Variants in MAST4 observed in about 807,000 individuals in gnomAD.
MAST4 encodes the protein microtubule associated serine/threonine kinase family member 4.
In MAST4, 89 loss-of-function variants were observed where a neutral mutation model predicts 162.7. That is an observed-to-expected ratio of 0.55 (90% CI 0.46 to 0.65). MAST4 has a LOEUF of 0.65. Among genes scored for constraint, MAST4 ranks in the 30% least tolerant of loss-of-function variants. The pLI, the probability that MAST4 is intolerant of heterozygous loss-of-function variation, is 0.00. For synonymous variants in MAST4, 1,479 were observed against 1,361.1 expected (o/e 1.09, Z -1.91); for missense variants, 3,153 against 3,374.0 (o/e 0.93, Z 1.62).
intron 3 of MAST4, among the ~76,000 whole-genome samples, chr5:66,851,673 C>T (rs1041121216): frequency 6.6e-6 from 1 of 152,230 alleles, no homozygotes; most frequent in African/African-American, 2.4e-5. Flanking sequence ...ATTAACACCA[C>T]ATATCAGTGG....
rs116130765 is a variant in MAST4 at position 66,598,378 on chromosome 5, G to A, written c.363+1360G>A. 8.3e-3 allele frequency among the ~76,000 whole-genome samples: 1,266 copies of A among 152,314 alleles called. 9 individuals carry two copies. The highest frequency in any genetic ancestry group is 0.014 in the Non-Finnish European group (938 of 68,026). On this transcript the variant is annotated intron_variant, in intron 1 of 28. Coordinates refer to ENST00000403625, the MANE Select transcript of MAST4 (RefSeq NM_001164664.2). ...GGTTCAGTTCCATAATCTGTAAAAG[G>A]AGGAGCTTCAAGGTAAATTTCATTT... is the stretch of plus-strand genomic sequence containing the variant.
At chr5:67,024,324 T>C (rs1754351608) in intron 4 of MAST4, among the ~76,000 whole-genome samples, 1 of 131,760 alleles carries the variant, frequency 7.6e-6, no homozygotes, top group Non-Finnish European at 1.5e-5. Flanking sequence ...TATATATATA[T>C]CTATATATAT....
chr5:67,079,438 C>A (rs1762355019), intron 5 of MAST4, among the ~76,000 whole-genome samples: 1 of 152,018 alleles, frequency 6.6e-6, no homozygotes, highest in African/African-American at 2.4e-5. Flanking sequence ...ACACATATTT[C>A]TAGATAGGTA....
intron 3 of MAST4, among the ~76,000 whole-genome samples, chr5:66,872,151 T>TTTTG (rs149530554): frequency 0.29 from 44,052 of 150,128 alleles, 6,759 homozygotes; most frequent in East Asian, 0.43. Flanking sequence ...GATATAAATT[T>TTTTG]TTTGTTTGTT....
At chr5:66,630,884 T>C (rs909847642) in intron 1 of MAST4, among the ~76,000 whole-genome samples, 2 of 152,226 alleles carry the variant, frequency 1.3e-5, no homozygotes, top group African/African-American at 4.8e-5. Context: ...CACAGACACA[T>C]GTGCTAGGCC....
At chr5:66,785,835 A>G (rs1755090466) in intron 2 of MAST4, among the ~76,000 whole-genome samples, 3 of 152,146 alleles carry the variant, frequency 2.0e-5, no homozygotes, top group Admixed American at 1.3e-4. Context: ...AATTATACAG[A>G]GACAGTCTAA....
chr5:66,666,721 A>G (rs545400133), intron 1 of MAST4, among the ~76,000 whole-genome samples: 1 of 152,356 alleles, frequency 6.6e-6, no homozygotes, highest in East Asian at 1.9e-4. Flanking sequence ...CCTATAATTC[A>G]TGCAGCTGTG....
chr5:66,666,478 T>C (rs1159694491), intron 1 of MAST4, among the ~76,000 whole-genome samples: 2 of 152,190 alleles, frequency 1.3e-5, no homozygotes, highest in Admixed American at 1.3e-4. Context: ...CCAAATAAAA[T>C]GGAGTATTCA....
chr5:66,733,603 G>A (rs1228640845), intron 1 of MAST4, among the ~76,000 whole-genome samples: 1 of 151,960 alleles, frequency 6.6e-6, no homozygotes, highest in African/African-American at 2.4e-5. Context: ...GATTACAGGC[G>A]CCCGCCACCA....
At chr5:66,718,024 A>C (rs76010770) in intron 1 of MAST4, among the ~76,000 whole-genome samples, 2,906 of 152,074 alleles carry the variant, frequency 0.019, 91 homozygotes, top group African/African-American at 0.065. Flanking sequence ...CAGCTGTGAC[A>C]GTATTTTGTT....
intron 2 of MAST4, among the ~76,000 whole-genome samples, chr5:66,772,406 C>T (rs182760452): frequency 3.9e-5 from 6 of 152,230 alleles, no homozygotes; most frequent in Admixed American, 2.6e-4. Flanking sequence ...GCTTGACATA[C>T]GCTACTGGGT....
intron 4 of MAST4, among the ~76,000 whole-genome samples, chr5:66,951,268 G>A (rs757037639): frequency 2.0e-5 from 3 of 152,184 alleles, no homozygotes; most frequent in Non-Finnish European, 2.9e-5. Flanking sequence ...CCCAACCCAT[G>A]TTATCCTAAG....
chr5:66,669,219 C>T (rs1747455919), intron 1 of MAST4, among the ~76,000 whole-genome samples: 1 of 152,192 alleles, frequency 6.6e-6, no homozygotes, highest in South Asian at 2.1e-4. Context: ...ATCTTCTCAA[C>T]CTCTAGGTGG....
intron 4 of MAST4, among the ~76,000 whole-genome samples, chr5:66,910,937 A>G (rs1451412415): frequency 2.0e-5 from 3 of 152,104 alleles, no homozygotes; most frequent in African/African-American, 7.2e-5. Flanking sequence ...TAGTAGAGAC[A>G]GGGTTTCACC....
chr5:66,984,505 G>A (rs540668161), intron 4 of MAST4, among the ~76,000 whole-genome samples: 57 of 152,190 alleles, frequency 3.7e-4, no homozygotes, highest in Non-Finnish European at 6.9e-4. Context: ...GAATGTGCAG[G>A]TTTGTTACAT....
intron 4 of MAST4, among the ~76,000 whole-genome samples, chr5:66,907,349 C>T (rs1463160192): frequency 1.3e-5 from 2 of 151,420 alleles, no homozygotes; most frequent in Non-Finnish European, 2.9e-5. Context: ...GTGGGCATTA[C>T]TCAGAAAGAA....
At chr5:67,093,637 C>A (rs1275471828) in intron 6 of MAST4, 2 of 465,588 alleles carry the variant, frequency 4.3e-6, no homozygotes, top group African/African-American at 3.9e-5. Context: ...CTGGAGCAAG[C>A]AAATGTAATT....
intron 3 of MAST4, among the ~76,000 whole-genome samples, chr5:66,791,369 C>G (rs537467250): frequency 6.6e-6 from 1 of 152,162 alleles, no homozygotes; most frequent in Non-Finnish European, 1.5e-5. Flanking sequence ...AGTCACATAC[C>G]AAGAAACAGA....
At chr5:66,869,800 C>T (rs540278484) in intron 3 of MAST4, among the ~76,000 whole-genome samples, 52 of 152,254 alleles carry the variant, frequency 3.4e-4, no homozygotes, top group South Asian at 1.5e-3. Flanking sequence ...AGGGTCATTT[C>T]GCTGCTGGTG....
Sources: allele counts gnomAD v4.1 joint callset (sites outside exome capture counted in the v4.1 genomes callset), GRCh38; gene constraint gnomAD v4.1.1; transcripts MANE v1.5; gene names NCBI Gene and HGNC (gene_info 2026-07-23, HGNC 2026-07-21).